Variants in TMEM50B observed in about 807,000 individuals in gnomAD.
TMEM50B encodes transmembrane protein 50B, also known as HCV p7-trans-regulated protein 3.
Under a neutral mutation model 23.4 loss-of-function variants are expected in TMEM50B, and 14 were observed. The observed-to-expected ratio is 0.60, with a 90% CI of 0.39 to 0.93. The LOEUF (loss-of-function observed/expected upper bound fraction) is 0.93, where lower values mean the gene tolerates loss of function less well. Ranked by LOEUF, TMEM50B falls within the 40% of genes least tolerant of loss-of-function variation. TMEM50B has a pLI of 0.00. For synonymous variants in TMEM50B, 64 were observed against 62.3 expected, an observed-to-expected ratio of 1.03 and a Z score of -0.13; for missense variants, 159 against 193.0, an observed-to-expected ratio of 0.82 and a Z score of 1.04.
intron 5 of TMEM50B, among the ~76,000 whole-genome samples, chr21:33,457,593 G>T (rs1173739499): frequency 2.0e-5 from 3 of 149,754 alleles, no homozygotes; most frequent in African/African-American, 7.4e-5. Flanking sequence ...AGAGGTTGCA[G>T]TGAGCCGAGA....
chr21:33,471,097 G>A (rs911562375), intron 1 of TMEM50B, among the ~76,000 whole-genome samples: 4 of 152,078 alleles, frequency 2.6e-5, no homozygotes, highest in African/African-American at 7.2e-5. Context: ...GGGACATCTC[G>A]GAAAGGAGTA....
At chr21:33,468,762 T>C in intron 2 of TMEM50B, 25 bp downstream of exon 2, 2 of 1,588,892 alleles carry the variant, frequency 1.3e-6, no homozygotes, top group Non-Finnish European at 1.7e-6. Flanking sequence ...GGGATACATG[T>C]CACCAACCAG....
At chr21:33,468,019 G>T (rs185669385) in intron 2 of TMEM50B, among the ~76,000 whole-genome samples, 208 of 147,278 alleles carry the variant, frequency 1.4e-3, no homozygotes, top group African/African-American at 5.0e-3. Flanking sequence ...TCTGTAAATA[G>T]CAACTGTACT....
At chr21:33,434,214 GAGA>G (rs1376735202) in intron 8 of TMEM50B, among the ~76,000 whole-genome samples, 3 of 152,094 alleles carry the variant, frequency 2.0e-5, no homozygotes, top group East Asian at 3.9e-4. Context: ...GGCGAGCTGA[GAGA>G]AGAACATTTA....
At chr21:33,473,668 A>AAAC (rs1302461043) in intron 1 of TMEM50B, among the ~76,000 whole-genome samples, 2 of 151,522 alleles carry the variant, frequency 1.3e-5, no homozygotes, top group Non-Finnish European at 2.9e-5. Context: ...AAAAAAAAAA[A>AAAC]ACAAGAAGGT....
chr21:33,474,314 G>T (rs181780549), intron 1 of TMEM50B, among the ~76,000 whole-genome samples: 181 of 152,032 alleles, frequency 1.2e-3, no homozygotes, highest in Middle Eastern at 3.4e-3. Context: ...TGAGATTACA[G>T]GTGTGCACCA....
chr21:33,478,517 T>C (rs1172647938), intron 1 of TMEM50B, among the ~76,000 whole-genome samples: 1 of 152,122 alleles, frequency 6.6e-6, no homozygotes, highest in Admixed American at 6.6e-5. Context: ...ATTCTTTACC[T>C]TGGCCCCCAG....
intron 1 of TMEM50B, chr21:33,478,980 C>A: frequency 5.6e-6 from 2 of 355,098 alleles, no homozygotes; most frequent in Non-Finnish European, 5.6e-6. Context: ...TGCCACTTCC[C>A]TCCCACCCCG....
At chr21:33,434,514 T>C (rs999186036) in intron 8 of TMEM50B, among the ~76,000 whole-genome samples, 1 of 152,002 alleles carries the variant, frequency 6.6e-6, no homozygotes, top group African/African-American at 2.4e-5. Flanking sequence ...AGAGCAAGAC[T>C]CCATCTCAAA....
chr21:33,452,798 T>C (rs2084133666), intron 6 of TMEM50B, among the ~76,000 whole-genome samples: 1 of 151,936 alleles, frequency 6.6e-6, no homozygotes, highest in African/African-American at 2.4e-5. Context: ...AGGTCCAAAA[T>C]GAAGAGTAAA....
At chr21:33,467,377 A>G (rs1298307160) in intron 2 of TMEM50B, among the ~76,000 whole-genome samples, 3 of 152,220 alleles carry the variant, frequency 2.0e-5, no homozygotes, top group African/African-American at 7.2e-5. Context: ...TAATCCCAGC[A>G]CTTTGGGAGG....
At chr21:33,452,269 C>T (rs78462601) in intron 6 of TMEM50B, among the ~76,000 whole-genome samples, 1,628 of 152,262 alleles carry the variant, frequency 0.011, 12 homozygotes, top group Non-Finnish European at 0.017. Context: ...GGCCACAAGG[C>T]GAAATCCAGG....
chr21:33,478,561 T>C (rs556548588), intron 1 of TMEM50B, among the ~76,000 whole-genome samples: 213 of 152,166 alleles, frequency 1.4e-3, no homozygotes, highest in African/African-American at 5.0e-3. Context: ...GACTAGCCAG[T>C]GTAAGGCTGC....
At chr21:33,454,100 C>CT (rs1377942308) in intron 6 of TMEM50B, among the ~76,000 whole-genome samples, 1 of 46,374 alleles carries the variant, frequency 2.2e-5, no homozygotes, top group Non-Finnish European at 3.4e-5. Flanking sequence ...GAGAATCCAG[C>CT]TCAAAAAAAA....
chr21:33,456,751 G>A (rs533167004), intron 5 of TMEM50B, among the ~76,000 whole-genome samples: 3 of 152,224 alleles, frequency 2.0e-5, no homozygotes, highest in East Asian at 3.9e-4. Context: ...CCTGTAAAAC[G>A]GGCATTGTAA....
At chr21:33,466,850 T>C (rs1460368155) in intron 3 of TMEM50B, among the ~76,000 whole-genome samples, 160 bp downstream of exon 3, 1 of 152,232 alleles carries the variant, frequency 6.6e-6, no homozygotes, top group African/African-American at 2.4e-5. Context: ...ACACTCATTC[T>C]TGGTTAAAAA....
chr21:33,446,787 T>A (rs2084063611), downstream of TMEM50B, among the ~76,000 whole-genome samples: 1 of 149,536 alleles, frequency 6.7e-6, no homozygotes, highest in African/African-American at 2.5e-5. Flanking sequence ...GGCAGGAGGA[T>A]CACTTGAGCT....
intron 3 of TMEM50B, 114 bp from the exon 4 acceptor site, chr21:33,465,523 G>A: frequency 1.4e-6 from 1 of 735,910 alleles, no homozygotes; most frequent in Non-Finnish European, 2.1e-6. Flanking sequence ...ATCAGTATCT[G>A]AATAATTTAA....
At position 33,467,132 on chromosome 21, in the gene TMEM50B, C is replaced by G. The variant is rs1209605247; in HGVS notation, c.100-10G>C. On this transcript the variant is annotated splice_polypyrimidine_tract_variant and intron_variant, in intron 2 of 6. Coordinates refer to ENST00000542230, the MANE Select transcript of TMEM50B (RefSeq NM_006134.7). Reference sequence around the variant, plus strand: ...ACCAGCCTGTAAAAAACTTAAAACACAGCCCAAGTCACTGAAACATTAAAA... The same window carrying G: ...ACCAGCCTGTAAAAAACTTAAAACAGAGCCCAAGTCACTGAAACATTAAAA... The G allele has an allele frequency of 7.5e-6, 12 of 1,604,662 alleles. No individual in the cohort carries two copies. Among genetic ancestry groups the G allele is most frequent in the Non-Finnish European group, 9.4e-6 (11 of 1,172,094 alleles).
Sources: gnomAD v4.1 joint callset for allele counts (sites outside exome capture counted in the v4.1 genomes callset) on GRCh38, gnomAD v4.1.1 for gene constraint, MANE v1.5 for transcripts, NCBI Gene and HGNC (gene_info 2026-07-23, HGNC 2026-07-21) for gene names.